Variants in PNPLA6 observed in about 807,000 individuals in gnomAD.
PNPLA6 encodes patatin-like phospholipase domain-containing protein 6.
In PNPLA6, 105 loss-of-function variants were observed where a neutral mutation model predicts 153.7. That is an observed-to-expected ratio of 0.68 (90% CI 0.58 to 0.80). PNPLA6 has a LOEUF of 0.80. PNPLA6 is among the 30% of genes least tolerant of loss of function. PNPLA6 has a pLI of 0.00. For missense variants in PNPLA6, 1,423 were observed against 1,919.3 expected (o/e 0.74, Z 4.83); for synonymous variants, 825 against 822.2 (o/e 1.00, Z -0.06).
rs145537087 is a variant in PNPLA6, at chr19:7,542,299, G to A, written c.1252+232G>A. ...CATGTCTGCTACAGCAGTGGCCCAT[G>A]GCACATTGGTATCCATTGGTCTCAG... On this transcript the variant is annotated intron_variant, in intron 10 of 31. Transcript: ENST00000600737. Among the ~76,000 whole-genome samples the A allele has an allele frequency of 2.0e-5, 3 of 152,300 alleles. No individual in the cohort carries two copies. The East Asian group carries it at 5.8e-4, about 29-fold the overall frequency.
intron 13 of PNPLA6, among the ~76,000 whole-genome samples, chr19:7,543,968 C>T (rs1385222666): frequency 1.3e-5 from 2 of 151,556 alleles, no homozygotes; most frequent in African/African-American, 4.8e-5. Context: ...CGCCTGCCAC[C>T]ATGCCCGGCT....
In PNPLA6 at chr19:7,561,535, G is replaced by A. The variant is rs1198155966; in HGVS notation, c.4071G>A (p.Glu1357=). The change falls in exon 32 of 32, where the codon GAG becomes GAA. Residue 1357 remains glutamate (E), a synonymous_variant. Coordinates refer to ENST00000600737, the MANE Select transcript of PNPLA6 (RefSeq NM_001166114.2). ...ILRQRRCLPQ[E]PPGSATDA The stretch of plus-strand genomic sequence containing the variant: ...GGCAACGACGCTGTCTGCCCCAGGA[G>A]CCGCCCGGCTCAGCCACAGATGCCT... 1 of 1,607,116 alleles carries A rather than the reference G, an allele frequency of 6.2e-7. No individual in the cohort carries two copies. Among genetic ancestry groups the A allele is most frequent in the Non-Finnish European group, 8.5e-7 (1 of 1,177,932 alleles).
In PNPLA6 at chr19:7,536,210, C is replaced by T. The variant is rs763666946; in HGVS notation, c.252C>T (p.Gly84=). ...LRVPKTPAPD[G]PRYRFRKRDK... is the part of the protein sequence containing the mutation. ...CCCCAGAAACCCCAGCCCCGGATGG[C>T]CCCCGGTATCGGTTCCGGAAGAGGG... Residue 84 remains glycine (G), a synonymous_variant, in exon 2 of 32, where the codon GGC becomes GGT. Coordinates refer to ENST00000600737, the MANE Select transcript of PNPLA6 (RefSeq NM_001166114.2). 4 of 1,612,492 alleles carry T rather than the reference C, an allele frequency of 2.5e-6. No homozygotes were observed. The South Asian group carries it at 3.3e-5, about 13-fold the overall frequency.
chr19:7,548,953 C>G (rs34670051), intron 13 of PNPLA6, among the ~76,000 whole-genome samples: 100,089 of 149,270 alleles, frequency 0.67, 34,053 homozygotes, highest in South Asian at 0.77. Flanking sequence ...CAGGCGCCCG[C>G]CACCACGCCT....
At chr19:7,560,080 G>T (rs895302770) in intron 28 of PNPLA6, among the ~76,000 whole-genome samples, 4 of 151,970 alleles carry the variant, frequency 2.6e-5, no homozygotes, top group Admixed American at 2.0e-4. Flanking sequence ...GGCAGTGGTT[G>T]CAGTGAGCCA....
At chr19:7,546,116 G>C (rs2023376470) in intron 13 of PNPLA6, among the ~76,000 whole-genome samples, 2 of 152,104 alleles carry the variant, frequency 1.3e-5, no homozygotes, top group Admixed American at 1.3e-4. Flanking sequence ...GACCTAAGAA[G>C]GAAGGAGGGG....
intron 18 of PNPLA6, among the ~76,000 whole-genome samples, chr19:7,552,501 A>T (rs1247301120): frequency 6.6e-6 from 1 of 152,138 alleles, no homozygotes; most frequent in Non-Finnish European, 1.5e-5. Flanking sequence ...CACGCCTGTA[A>T]TCTCAGCACT....
At chr19:7,547,812 T>A (rs495503) in intron 13 of PNPLA6, among the ~76,000 whole-genome samples, 177 of 2,888 alleles carry the variant, frequency 0.061, 4 homozygotes, top group African/African-American at 0.34. Context: ...TAATTAAAAA[T>A]TTTTTTTTTT....
At chr19:7,546,730 G>A (rs1229715112) in intron 13 of PNPLA6, among the ~76,000 whole-genome samples, 3 of 152,206 alleles carry the variant, frequency 2.0e-5, no homozygotes, top group East Asian at 3.9e-4. Context: ...CTTCTGTGTA[G>A]ACATATATTT....
Position 7,551,012 on chromosome 19 carries a change from C to T in PNPLA6, c.2089C>T (p.Gln697Ter), listed in dbSNP as rs1555748498. 1.9e-6 allele frequency: 3 copies of T among 1,546,050 alleles called. No individual in the cohort carries two copies. The highest frequency in any genetic ancestry group is 2.6e-6 in the Non-Finnish European group (3 of 1,146,298). Residue 697 changes from glutamine (Q) to a stop codon, truncating the protein, a stop_gained, in exon 17 of 32, where the codon CAG becomes TAG. Transcript: ENST00000600737. LOFTEE classifies it high-confidence loss of function. ...CCCCCAGGTGGAGGCACTGACCCGGCAGCCGCGAGCCACGACGGTGCACGC... is the reference window on the plus strand; with the variant it reads ...CCCCCAGGTGGAGGCACTGACCCGGTAGCCGCGAGCCACGACGGTGCACGC... ...LIGVVEALTR[Q>*]PRATTVHAVR... is the part of the protein sequence containing the mutation.
Position 7,555,327 on chromosome 19 carries a change from G to T in PNPLA6, c.2896G>T (p.Gly966Trp). The change falls in exon 23 of 32, where the codon GGG becomes TGG. Residue 966 changes from glycine to tryptophan, a missense_variant. Coordinates refer to ENST00000600737, the MANE Select transcript of PNPLA6 (RefSeq NM_001166114.2). This position sits in a 1 kb window ranked among gnomAD's most constrained non-coding sequence, Gnocchi z 6.3. The stretch of plus-strand genomic sequence containing the variant: ...CTCCCGCTTGGCGAGGGTGCTCACG[G>T]GGAACACCATTGCCCTTGTGCTAGG... ...DFSRLARVLT[G>W]NTIALVLGGG... 1 of 1,574,272 alleles carries T rather than the reference G, an allele frequency of 6.4e-7. No homozygotes were observed. Among genetic ancestry groups the T allele is most frequent in the Non-Finnish European group, 8.6e-7 (1 of 1,159,496 alleles).
Position 7,542,004 on chromosome 19 carries a change from T to A in PNPLA6, c.1189T>A (p.Ser397Thr). The part of the protein sequence containing the change: ...GPTGDPVKPT[S>T]LETPSAPLLS... Reference sequence around the variant, plus strand: ...CCCAGGGGACCCTGTGAAGCCCACATCCCTGGAAACCCCCTCGGCCCCTCT... The same window carrying A: ...CCCAGGGGACCCTGTGAAGCCCACAACCCTGGAAACCCCCTCGGCCCCTCT... Residue 397 changes from serine (S) to threonine (T), a missense_variant, in exon 10 of 32, where the codon TCC becomes ACC. Physicochemically the swap from Ser to Thr is moderately conservative, Grantham distance 58. Around this residue, in one of 10 missense-constraint regions of PNPLA6, gnomAD observed 267 missense variants for 255.1 expected, o/e 1.05. Coordinates refer to ENST00000600737, the MANE Select transcript of PNPLA6 (RefSeq NM_001166114.2). 6.2e-7 allele frequency: 1 copy of A among 1,608,450 alleles called. No homozygotes were observed. Among genetic ancestry groups the A allele is most frequent in the South Asian group, 1.1e-5 (1 of 91,064 alleles).
chr19:7,539,809 CAG>C (rs1208363097), intron 3 of PNPLA6, 107 bp from the exon 4 acceptor site: 4 of 700,050 alleles, frequency 5.7e-6, no homozygotes, highest in South Asian at 3.4e-5. Context: ...GCCAGCGGGC[CAG>C]AGTTTGCTGT....
rs1302513719 is a variant in PNPLA6 at position 7,542,772 on chromosome 19, G to C, written c.1374G>C (p.Gln458His). ...SLAAPARTPT[Q>H]EPREQPAGAC... ...CCTGCCCCACTCAGACCCCCACTCA[G>C]GAGCCTCGTGAGCAGCCGGCAGGCG... is the stretch of plus-strand genomic sequence containing the variant. Residue 458 changes from glutamine to histidine, a missense_variant, in exon 12 of 32, where the codon CAG becomes CAC. Gln to His is a conservative substitution (Grantham distance 24). Coordinates refer to ENST00000600737, the MANE Select transcript of PNPLA6 (RefSeq NM_001166114.2). The C allele has an allele frequency of 6.2e-7, 1 of 1,612,954 alleles. No homozygotes were observed. The highest frequency in any genetic ancestry group is 1.7e-5 in the Admixed American group (1 of 60,010).
At chr19:7,542,128 C>A in intron 10 of PNPLA6, 61 bp downstream of exon 10, 1 of 1,322,526 alleles carries the variant, frequency 7.6e-7, no homozygotes, top group Non-Finnish European at 1.1e-6. Context: ...TCCAGGTCCA[C>A]CGCCTGCCTG....
intron 27 of PNPLA6, 115 bp from the exon 28 acceptor site, chr19:7,558,735 T>TTC (rs147968677): frequency 1.2e-5 from 8 of 693,130 alleles, no homozygotes; most frequent in Middle Eastern, 4.0e-4. Context: ...TGTGTGGGTA[T>TTC]TCTCTCTTTT....
At chr19:7,559,491 C>T (rs577145) in intron 28 of PNPLA6, among the ~76,000 whole-genome samples, 63,910 of 151,872 alleles carry the variant, frequency 0.42, 13,811 homozygotes, top group East Asian at 0.66. Context: ...GGTAGCAGTG[C>T]GTGTGTTATG....
intron 18 of PNPLA6, among the ~76,000 whole-genome samples, chr19:7,553,563 T>C (rs1448129133): frequency 6.6e-6 from 1 of 152,350 alleles, no homozygotes; most frequent in East Asian, 1.9e-4. Flanking sequence ...CCAATTGATC[T>C]CCCAAGCACA....
At chr19:7,553,844 C>A in intron 18 of PNPLA6, 31 bp from the exon 19 acceptor site, 1 of 1,614,136 alleles carries the variant, frequency 6.2e-7, no homozygotes, top group South Asian at 1.1e-5. Flanking sequence ...CAGGTTCGCA[C>A]CACAAATCTC....
Sources: gnomAD v4.1 joint callset for allele counts (sites outside exome capture counted in the v4.1 genomes callset) on GRCh38, gnomAD v4.1.1 for gene constraint, gnomAD v4.1.1 regional missense constraint, Gnocchi (gnomAD v3.1) non-coding constraint, MANE v1.5 for transcripts, NCBI Gene and HGNC (gene_info 2026-07-23, HGNC 2026-07-21) for gene names.